The following MROH2B variants were observed in gnomAD, a reference collection of about 807,000 sequenced individuals.
MROH2B encodes maestro heat like repeat family member 2B.
In MROH2B, 177 loss-of-function variants were observed where a neutral mutation model predicts 208.6. That is an observed-to-expected ratio of 0.85 (90% CI 0.75 to 0.96). MROH2B has a LOEUF of 0.96. Among genes scored for constraint, MROH2B ranks in the 40% least tolerant of loss-of-function variants. MROH2B has a pLI of 0.00. For missense variants in MROH2B, 2,002 were observed against 1,878.7 expected (o/e 1.07, Z -1.21); for synonymous variants, 728 against 659.0 (o/e 1.10, Z -1.60).
At chr5:41,009,497 A>T in intron 31 of MROH2B, 91 bp from the exon 32 acceptor site, 1 of 1,478,456 alleles carries the variant, frequency 6.8e-7, no homozygotes, top group Non-Finnish European at 9.1e-7. Context: ...TCACATTATG[A>T]CTAATGACAA....
At chr5:41,001,812 G>A (rs1490809683) in intron 37 of MROH2B, among the ~76,000 whole-genome samples, 2 of 151,988 alleles carry the variant, frequency 1.3e-5, no homozygotes, top group South Asian at 2.1e-4. Context: ...TCAGAGTTCC[G>A]ACAGGGAAGA....
chr5:41,005,323 G>A, intron 35 of MROH2B: 1 of 554,682 alleles, frequency 1.8e-6, no homozygotes, highest in Non-Finnish European at 3.2e-6. Flanking sequence ...CAAACTAGAG[G>A]GCAGGAGGTG....
chr5:41,016,744 G>A (rs1741967778), intron 28 of MROH2B, among the ~76,000 whole-genome samples: 2 of 151,990 alleles, frequency 1.3e-5, no homozygotes, highest in Admixed American at 1.3e-4. Flanking sequence ...GGCTCCCAAA[G>A]TGCTGAGATT....
Position 41,018,949 on chromosome 5 carries a change from C to G in MROH2B, c.2511G>C (p.Leu837=). 6.2e-7 allele frequency: 1 copy of G among 1,613,828 alleles called. No individual in the cohort carries two copies. Among genetic ancestry groups the G allele is most frequent in the Non-Finnish European group, 8.5e-7 (1 of 1,179,860 alleles). The change falls in exon 25 of 42, where the codon CTG becomes CTC. Residue 837 remains leucine, a synonymous_variant. Coordinates refer to ENST00000399564, the MANE Select transcript of MROH2B (RefSeq NM_173489.5). The part of the protein sequence containing the change: ...NILEENIRRL[L]PLPPLENLKS... ...TCAGATTTTCCAGAGGTGGAAGGGG[C>G]AGCAGCCTCCGAATATTCTCCTCAA...
At chr5:41,051,152 T>G (rs1561301307) in intron 12 of MROH2B, 62 bp from the exon 13 acceptor site, 1 of 1,078,186 alleles carries the variant, frequency 9.3e-7, no homozygotes. Context: ...CCTCTGACTT[T>G]CCTTGGGTGT....
intron 35 of MROH2B, 58 bp from the exon 36 acceptor site, chr5:41,004,978 G>A: frequency 1.3e-6 from 2 of 1,569,882 alleles, no homozygotes; most frequent in Admixed American, 1.9e-5. Context: ...TCCTTCAGGA[G>A]AGTGCCAAAG....
intron 6 of MROH2B, 112 bp downstream of exon 6, chr5:41,061,458 A>G: frequency 1.1e-5 from 10 of 926,560 alleles, no homozygotes; most frequent in Admixed American, 3.0e-5. Context: ...CTCATAAAAT[A>G]CAACCAATGG....
intron 6 of MROH2B, 151 bp downstream of exon 6, chr5:41,061,419 A>T: frequency 1.7e-6 from 1 of 603,506 alleles, no homozygotes; most frequent in Non-Finnish European, 2.6e-6. Flanking sequence ...GATTTGAAAT[A>T]GGTGGGAAAA....
intron 5 of MROH2B, among the ~76,000 whole-genome samples, chr5:41,063,315 C>T (rs180758555): frequency 1.3e-5 from 2 of 152,242 alleles, no homozygotes; most frequent in Admixed American, 6.5e-5. Context: ...CTGCACAGGT[C>T]CTTGAGTCAG....
Position 41,049,371 on chromosome 5 carries a change from C to A in MROH2B, c.1410G>T (p.Leu470=), listed in dbSNP as rs763518210. The A allele has an allele frequency of 6.2e-7, 1 of 1,613,752 alleles. No homozygotes were observed. The highest frequency in any genetic ancestry group is 8.5e-7 in the Non-Finnish European group (1 of 1,179,788). Residue 470 remains leucine (L), a synonymous_variant, in exon 14 of 42, where the codon CTG becomes CTT. Transcript: ENST00000399564. ...TAATCAGAATTCTGATGATACTAAACAGGGGCTCCAGAGCTTCTGTGTATT... is the reference window on the plus strand; with the variant it reads ...TAATCAGAATTCTGATGATACTAAAAAGGGGCTCCAGAGCTTCTGTGTATT... ...PAEYTEALEP[L]FSIIRILIMA... is the part of the protein sequence containing the mutation.
At chr5:41,002,798 A>G (rs1029556227) in intron 37 of MROH2B, among the ~76,000 whole-genome samples, 3 of 152,156 alleles carry the variant, frequency 2.0e-5, no homozygotes, top group Non-Finnish European at 4.4e-5. Flanking sequence ...GATTTACTGG[A>G]GGCTCAGATC....
At chr5:41,011,209 A>G (rs865851324) in intron 30 of MROH2B, among the ~76,000 whole-genome samples, 1 of 152,192 alleles carries the variant, frequency 6.6e-6, no homozygotes, top group Non-Finnish European at 1.5e-5. Context: ...TCTAGTAGAC[A>G]TTTCTATTAT....
intron 4 of MROH2B, 85 bp downstream of exon 4, chr5:41,065,246 T>C: frequency 7.6e-7 from 1 of 1,313,494 alleles, no homozygotes; most frequent in Non-Finnish European, 1.0e-6. Context: ...AGATGCTATC[T>C]CTTCTACCGT....
At position 41,039,556 on chromosome 5, in the gene MROH2B, C is replaced by T; in HGVS notation, c.1954-1G>A. On this transcript the variant is annotated splice_acceptor_variant, in intron 19 of 41. Coordinates refer to ENST00000399564, the MANE Select transcript of MROH2B (RefSeq NM_173489.5). LOFTEE classifies it high-confidence loss of function. ...AGTATCCTAAAATAGATGTTATTCC[C>T]TAAAATCAGAAAAGGTATGACATTT... is the stretch of plus-strand genomic sequence containing the variant. The T allele has an allele frequency of 6.4e-7, 1 of 1,558,842 alleles. No homozygotes were observed.
chr5:41,031,908 A>T (rs2150166304), intron 24 of MROH2B, among the ~76,000 whole-genome samples: 1 of 152,120 alleles, frequency 6.6e-6, no homozygotes, highest in South Asian at 2.1e-4. Context: ...GACAGATTTT[A>T]TTCGTTTGTA....
intron 2 of MROH2B, among the ~76,000 whole-genome samples, chr5:41,067,599 C>T (rs2150184229): frequency 6.6e-6 from 1 of 152,204 alleles, no homozygotes; most frequent in African/African-American, 2.4e-5. Flanking sequence ...AACTCCTGAC[C>T]TCAGGTGATC....
chr5:41,020,895 A>T (rs1742124001), intron 24 of MROH2B, among the ~76,000 whole-genome samples: 1 of 152,216 alleles, frequency 6.6e-6, no homozygotes, highest in Non-Finnish European at 1.5e-5. Flanking sequence ...TAAGACAAGG[A>T]TACCATTTTT....
rs1430818657 is a variant in MROH2B at position 41,042,446 on chromosome 5, C to G, written c.1837-238G>C. Among the ~76,000 whole-genome samples, 7 of 152,202 alleles carry G rather than the reference C, an allele frequency of 4.6e-5. 1 individual carries two copies. Among genetic ancestry groups the G allele is most frequent in the African/African-American group, 1.4e-4 (6 of 41,502 alleles). ...CTGCCACTAAAATATACTTCACCCC[C>G]CATTGTAATTTTTTATTTTCTTGCT... On this transcript the variant is annotated intron_variant, in intron 18 of 41. Coordinates refer to ENST00000399564, the MANE Select transcript of MROH2B (RefSeq NM_173489.5).
chr5:41,069,573 C>G (rs1279152268), intron 2 of MROH2B, 118 bp downstream of exon 2: 2 of 743,146 alleles, frequency 2.7e-6, no homozygotes, highest in Non-Finnish European at 4.6e-6. Context: ...ACTGAAAAAT[C>G]TAATGCCATG....
Sources: allele counts gnomAD v4.1 joint callset (sites outside exome capture counted in the v4.1 genomes callset), GRCh38; gene constraint gnomAD v4.1.1; transcripts MANE v1.5; gene names NCBI Gene and HGNC (gene_info 2026-07-23, HGNC 2026-07-21).